PDXDC1: variants seen among roughly 807,000 people sequenced by gnomAD.
PDXDC1 encodes the protein pyridoxal dependent decarboxylase domain containing 1, also known as pyridoxal-dependent decarboxylase domain-containing protein 1.
Under a neutral mutation model 100.1 loss-of-function variants are expected in PDXDC1, and 42 were observed. That is an observed-to-expected ratio of 0.42 (90% confidence interval 0.33 to 0.54). PDXDC1 has a LOEUF of 0.54. Among genes scored for constraint, PDXDC1 ranks in the 20% least tolerant of loss-of-function variants. The probability of loss-of-function intolerance (pLI) is 0.10; values close to 1 mark genes in which losing one functional copy is unlikely to be tolerated. For missense variants in PDXDC1, 636 were observed against 979.2 expected (o/e 0.65, Z 4.68); for synonymous variants, 260 against 371.7 (o/e 0.70, Z 3.46).
At position 14,986,846 on chromosome 16, in the gene PDXDC1, G is replaced by C. The variant is rs537214115; in HGVS notation, c.22-10907G>C. Among the ~76,000 whole-genome samples, 4 of 152,382 alleles carry C rather than the reference G, an allele frequency of 2.6e-5. No homozygotes were observed. In the South Asian group the frequency reaches 8.3e-4, roughly 32 times the overall value. The stretch of plus-strand genomic sequence containing the variant: ...ACTGCAAGCTCCGCCTCCCAGGTTC[G>C]AGTGATTCTTGTGCCTCAGCCTCCT... On this transcript the variant is annotated intron_variant, in intron 1 of 22. Coordinates refer to ENST00000396410, the MANE Select transcript of PDXDC1 (RefSeq NM_015027.4).
chr16:15,011,631 C>CTTTTTTTTTTTTTTTTTTTTTTCT, intron 8 of PDXDC1, among the ~76,000 whole-genome samples: 32 of 131,238 alleles, frequency 2.4e-4, no homozygotes, highest in Non-Finnish European at 3.8e-4. Flanking sequence ...ACATTTTTTT[C>CTTTTTTTTTTTTTTTTTTTTTTCT]TTTTTTTTTT....
chr16:15,145,076 C>CA, the PDXDC1 span, among the ~76,000 whole-genome samples: 2 of 152,142 alleles, frequency 1.3e-5, no homozygotes, highest in Non-Finnish European at 2.9e-5. Flanking sequence ...CACAGAGGCT[C>CA]AAGAGGCCCT....
chr16:15,020,344 TTAAATA>T (rs1196681997), intron 12 of PDXDC1, among the ~76,000 whole-genome samples: 1 of 152,286 alleles, frequency 6.6e-6, no homozygotes, highest in African/African-American at 2.4e-5. Flanking sequence ...AATCTTTGTT[TTAAATA>T]TATTCTTGGG....
downstream of PDXDC1, chr16:15,039,914 G>T: frequency 9.9e-7 from 1 of 1,010,820 alleles, no homozygotes; most frequent in South Asian, 1.4e-5. Context: ...TTAAGGCCTT[G>T]ACATTTGATG....
rs764844611 is a variant in PDXDC1, at chr16:15,028,878, A to G, written c.1205A>G (p.Asp402Gly). ...FRFFQELPGSDPVFKAVPVPN... is the reference protein window; with the variant it reads ...FRFFQELPGSGPVFKAVPVPN... ...CTCCCTTTCTGTGTTTTGGTGTCAG[A>G]TCCGGTGTTTAAAGCCGTCCCAGTG... The change falls in exon 15 of 23, where the codon GAT (aspartate) becomes GGT (glycine). Residue 402 changes from aspartate to glycine, a missense_variant and splice_region_variant. Transcript: ENST00000396410. 1.9e-5 allele frequency: 30 copies of G among 1,613,518 alleles called. No homozygotes were observed. Among genetic ancestry groups the G allele is most frequent in the Middle Eastern group, 1.7e-4 (1 of 6,044 alleles).
intron 16 of PDXDC1, among the ~76,000 whole-genome samples, chr16:15,119,389 G>T (rs2047355855): frequency 7.0e-6 from 1 of 142,852 alleles, no homozygotes. Context: ...AACAATAGCT[G>T]ATGATCTAAA....
At chr16:14,985,434 C>T (rs1173870814) in intron 1 of PDXDC1, among the ~76,000 whole-genome samples, 47 of 152,224 alleles carry the variant, frequency 3.1e-4, no homozygotes, top group Non-Finnish European at 5.9e-4. Context: ...ACTACAGGCG[C>T]CCGCCAGCAC....
At chr16:15,038,759 G>A, downstream of PDXDC1, 1 of 786,876 alleles carries the variant, frequency 1.3e-6, no homozygotes. Flanking sequence ...AGTAACGCAA[G>A]CTCCAGTGTA....
At chr16:15,123,435 C>G (rs1023380177) in intron 16 of PDXDC1, 12 of 792,474 alleles carry the variant, frequency 1.5e-5, no homozygotes, top group Non-Finnish European at 2.3e-5. Context: ...GAACCTCATA[C>G]CCAAGCAGAG....
intron 13 of PDXDC1, among the ~76,000 whole-genome samples, chr16:15,023,077 G>T (rs1418335383): frequency 6.6e-6 from 1 of 152,254 alleles, no homozygotes; most frequent in Non-Finnish European, 1.5e-5. Flanking sequence ...CAAGGCCTTG[G>T]GCACACTCTT....
At chr16:14,977,821 T>C (rs1262124340) in intron 1 of PDXDC1, among the ~76,000 whole-genome samples, 3 of 152,278 alleles carry the variant, frequency 2.0e-5, no homozygotes. Flanking sequence ...AAGAGCTATG[T>C]GAGCAGTTGT....
intron 16 of PDXDC1, chr16:15,131,509 C>G: frequency 6.2e-7 from 1 of 1,608,136 alleles, no homozygotes; most frequent in East Asian, 2.2e-5. Flanking sequence ...CGGGTCCGAG[C>G]GCTTGCCCTG....
intron 1 of PDXDC1, among the ~76,000 whole-genome samples, chr16:14,979,461 T>C (rs1220508777): frequency 6.6e-6 from 1 of 152,300 alleles, no homozygotes; most frequent in East Asian, 1.9e-4. Flanking sequence ...GGCTAATTTT[T>C]GTATTTTTAG....
intron 14 of PDXDC1, among the ~76,000 whole-genome samples, chr16:15,027,506 G>A (rs2042702132): frequency 6.6e-6 from 1 of 152,286 alleles, no homozygotes; most frequent in Non-Finnish European, 1.5e-5. Flanking sequence ...TTCTTGTCTT[G>A]GTGTACCGGA....
rs1175242831 is a variant in PDXDC1 at position 15,055,820 on chromosome 16, A to C, written c.1399+25764A>C. 9.8e-6 allele frequency: 8 copies of C among 818,386 alleles called. No individual in the cohort carries two copies. The East Asian group carries it at 2.7e-4, about 28-fold the overall frequency. 50.7% of individuals were successfully genotyped at this position (818,386 alleles called of 1,614,324 possible). On this transcript the variant is annotated intron_variant, in intron 16 of 16. Coordinates refer to the PDXDC1 transcript ENST00000535621. ...CCAAGTTTCAAGTCTGTGTCGCGTG[A>C]GGGGGGCGCTAGCCCGCCCTGCAGC... is the stretch of plus-strand genomic sequence containing the variant.
At chr16:15,101,316 G>C (rs1168055711) in intron 16 of PDXDC1, among the ~76,000 whole-genome samples, 1 of 151,606 alleles carries the variant, frequency 6.6e-6, no homozygotes, top group Non-Finnish European at 1.5e-5. Context: ...GGTCTTTTTT[G>C]TTTGTTTGTT....
At chr16:15,064,429 C>A (rs565729111) in intron 16 of PDXDC1, among the ~76,000 whole-genome samples, 14 of 152,294 alleles carry the variant, frequency 9.2e-5, no homozygotes, top group African/African-American at 3.4e-4. Context: ...CCCGCCTCAG[C>A]CTCCCAAAGT....
At chr16:15,145,508 G>C in the PDXDC1 span, among the ~76,000 whole-genome samples, 4 of 152,246 alleles carry the variant, frequency 2.6e-5, no homozygotes, top group East Asian at 1.9e-4. Context: ...GAGGTGGCCT[G>C]ACAGAAGCCA....
At chr16:15,081,289 C>A (rs1233735880) in intron 16 of PDXDC1, among the ~76,000 whole-genome samples, 4 of 152,316 alleles carry the variant, frequency 2.6e-5, no homozygotes, top group African/African-American at 9.6e-5. Context: ...GAAGAAATGC[C>A]AGGCTATTTT....
Sources: gnomAD v4.1 joint callset for allele counts (sites outside exome capture counted in the v4.1 genomes callset) on GRCh38, gnomAD v4.1.1 for gene constraint, MANE v1.5 for transcripts, NCBI Gene and HGNC (gene_info 2026-07-23, HGNC 2026-07-21) for gene names.